Variants in VWC2L observed in about 807,000 individuals in gnomAD.
VWC2L encodes von Willebrand factor C domain containing 2 like.
Under a neutral mutation model 21.6 loss-of-function variants are expected in VWC2L, and 10 were observed. The ratio of observed to expected loss-of-function variants is 0.46; its 90% confidence interval spans 0.29 to 0.78. VWC2L has a LOEUF of 0.78. Ranked by LOEUF, VWC2L falls within the 30% of genes least tolerant of loss-of-function variation. The pLI, the probability that VWC2L is intolerant of heterozygous loss-of-function variation, is 0.10. For missense variants in VWC2L, 209 were observed against 277.1 expected, an observed-to-expected ratio of 0.75 and a Z score of 1.74; for synonymous variants, 96 against 94.3, an observed-to-expected ratio of 1.02 and a Z score of -0.10.
intron 3 of VWC2L, among the ~76,000 whole-genome samples, chr2:214,537,312 T>A (rs1689550180): frequency 6.6e-6 from 1 of 152,072 alleles, no homozygotes; most frequent in Admixed American, 6.6e-5. Flanking sequence ...CATCCATTGA[T>A]GGACACTTCA....
intron 3 of VWC2L, among the ~76,000 whole-genome samples, chr2:214,439,262 C>T (rs940088475): frequency 6.6e-6 from 1 of 151,874 alleles, no homozygotes; most frequent in African/African-American, 2.4e-5. Context: ...ATATAGAAGA[C>T]ATGGAGGAAA....
chr2:214,577,485 C>T lies in VWC2L; in HGVS notation c.*1665C>T, dbSNP rs1690249183. ...TCCCTAAGGAGTGGGAGTGAGGGGC[C>T]TAATTTCACCTCGTTGAGAACCAGT... is the stretch of plus-strand genomic sequence containing the variant. On this transcript the variant is annotated 3_prime_UTR_variant, in exon 4 of 4. Coordinates refer to ENST00000312504, the MANE Select transcript of VWC2L (RefSeq NM_001080500.4). 2 of 152,182 alleles carry T rather than the reference C, an allele frequency of 1.3e-5. No individual in the cohort carries two copies. Among genetic ancestry groups the T allele is most frequent in the South Asian group, 4.1e-4 (2 of 4,830 alleles). The allele number at this position is 152,182 out of a possible 1,614,324, so 9.4% of individuals were successfully genotyped here.
At chr2:214,563,365 G>A (rs1018006155) in intron 3 of VWC2L, among the ~76,000 whole-genome samples, 1 of 151,760 alleles carries the variant, frequency 6.6e-6, no homozygotes. Flanking sequence ...GGCTAACACG[G>A]TGAAACCCCA....
intron 2 of VWC2L, among the ~76,000 whole-genome samples, chr2:214,423,164 G>C (rs979247427): frequency 6.6e-5 from 10 of 151,990 alleles, no homozygotes; most frequent in African/African-American, 2.4e-4. Context: ...ATCTTGGTTT[G>C]GGATTTTATT....
chr2:214,472,521 T>C (rs1703324450), intron 3 of VWC2L, among the ~76,000 whole-genome samples: 1 of 152,216 alleles, frequency 6.6e-6, no homozygotes, highest in Admixed American at 6.5e-5. Flanking sequence ...AACTTTTTGA[T>C]ATAAAATTTA....
intron 3 of VWC2L, among the ~76,000 whole-genome samples, chr2:214,561,015 A>G (rs1032898910): frequency 6.6e-6 from 1 of 152,192 alleles, no homozygotes; most frequent in Non-Finnish European, 1.5e-5. Flanking sequence ...CAAAACTCAG[A>G]CTATGTTCTC....
intron 3 of VWC2L, among the ~76,000 whole-genome samples, chr2:214,547,580 A>AAGCTACTGAGT (rs1288558851): frequency 6.6e-6 from 1 of 152,204 alleles, no homozygotes; most frequent in African/African-American, 2.4e-5. Flanking sequence ...ATCAACATGA[A>AAGCTACTGAGT]AGCTACTGAG....
At chr2:214,549,630 G>A (rs558934943) in intron 3 of VWC2L, among the ~76,000 whole-genome samples, 11 of 152,260 alleles carry the variant, frequency 7.2e-5, no homozygotes, top group African/African-American at 1.2e-4. Context: ...AAAATTAGCC[G>A]GGCGTGGTGG....
chr2:214,430,181 G>T (rs1702579004), intron 2 of VWC2L, among the ~76,000 whole-genome samples: 2 of 150,110 alleles, frequency 1.3e-5, no homozygotes, highest in Non-Finnish European at 2.9e-5. Context: ...TGTCACTGTT[G>T]TGTAGCAACA....
chr2:214,537,275 A>T (rs1362310296), intron 3 of VWC2L, among the ~76,000 whole-genome samples: 1 of 152,100 alleles, frequency 6.6e-6, no homozygotes, highest in Non-Finnish European at 1.5e-5. Flanking sequence ...AAAGTGAATT[A>T]AATATACCAC....
chr2:214,439,479 G>A (rs1163662798), intron 3 of VWC2L, among the ~76,000 whole-genome samples: 1 of 151,904 alleles, frequency 6.6e-6, no homozygotes, highest in African/African-American at 2.4e-5. Context: ...CAAGGTAGAT[G>A]CAACTAATTC....
chr2:214,521,157 G>A (rs1283288622), intron 3 of VWC2L, among the ~76,000 whole-genome samples: 15 of 151,746 alleles, frequency 9.9e-5, no homozygotes, highest in Admixed American at 7.2e-4. Context: ...CCTGGTAGGC[G>A]AAGCTTGCAG....
intron 3 of VWC2L, among the ~76,000 whole-genome samples, chr2:214,558,360 T>G (rs1290586427): frequency 6.6e-6 from 1 of 152,196 alleles, no homozygotes; most frequent in Non-Finnish European, 1.5e-5. Context: ...TATGCCCAAC[T>G]CAGTCAATTC....
chr2:214,428,046 TAATAAG>T (rs1166365119), intron 2 of VWC2L, among the ~76,000 whole-genome samples: 8 of 152,164 alleles, frequency 5.3e-5, no homozygotes, highest in African/African-American at 7.2e-5. Context: ...TGCCGTAATT[TAATAAG>T]AATAAGTTAT....
At chr2:214,412,127 A>G (rs982753383) in intron 1 of VWC2L, among the ~76,000 whole-genome samples, 2 of 152,096 alleles carry the variant, frequency 1.3e-5, no homozygotes, top group African/African-American at 4.8e-5. Flanking sequence ...TAATAAAAAC[A>G]TATTTAATGT....
intron 3 of VWC2L, among the ~76,000 whole-genome samples, chr2:214,493,547 G>A (rs527695573): frequency 6.6e-6 from 1 of 152,174 alleles, no homozygotes; most frequent in South Asian, 2.1e-4. Context: ...CCATGCATTT[G>A]TGTAGCAAAG....
At chr2:214,501,793 C>T (rs182101543) in intron 3 of VWC2L, among the ~76,000 whole-genome samples, 4 of 152,008 alleles carry the variant, frequency 2.6e-5, no homozygotes, top group Non-Finnish European at 4.4e-5. Context: ...CTTGCTGCTG[C>T]CATTGCTCTC....
At chr2:214,494,816 G>A (rs1688790550) in intron 3 of VWC2L, among the ~76,000 whole-genome samples, 3 of 151,472 alleles carry the variant, frequency 2.0e-5, no homozygotes, top group Admixed American at 2.0e-4. Flanking sequence ...TGTCTTGGGT[G>A]TTTTCTTCTT....
At chr2:214,568,646 A>G (rs548121584) in intron 3 of VWC2L, among the ~76,000 whole-genome samples, 1 of 152,154 alleles carries the variant, frequency 6.6e-6, no homozygotes, top group South Asian at 2.1e-4. Flanking sequence ...ATTCACTATC[A>G]CAAGAACAGC....
Sources: gnomAD v4.1 joint callset for allele counts (sites outside exome capture counted in the v4.1 genomes callset) on GRCh38, gnomAD v4.1.1 for gene constraint, MANE v1.5 for transcripts, NCBI Gene and HGNC (gene_info 2026-07-23, HGNC 2026-07-21) for gene names.